Variants in PSMA1 observed in about 807,000 individuals in gnomAD.
PSMA1 encodes the protein proteasome subunit alpha type-1.
A neutral mutation model predicts 38.4 loss-of-function variants in PSMA1; 3 were observed. The ratio of observed to expected loss-of-function variants is 0.08; its 90% CI spans 0.04 to 0.20. The LOEUF is 0.20. Ranked by LOEUF, PSMA1 falls within the 10% of genes least tolerant of loss-of-function variation. PSMA1 has a pLI of 1.00. For synonymous variants in PSMA1, 101 were observed against 107.1 expected (o/e 0.94, Z 0.35); for missense variants, 227 against 325.3 (o/e 0.70, Z 2.32).
At chr11:14,567,132 A>G (rs1852081304) in intron 2 of PSMA1, among the ~76,000 whole-genome samples, 1 of 152,226 alleles carries the variant, frequency 6.6e-6, no homozygotes, top group African/African-American at 2.4e-5. Context: ...AGAGAGGCAC[A>G]GATGGCAGAG....
At chr11:14,535,702 C>T (rs1294171427) in intron 2 of PSMA1, among the ~76,000 whole-genome samples, 1 of 152,076 alleles carries the variant, frequency 6.6e-6, no homozygotes. Context: ...ACCTCGGCCT[C>T]CCAAAGTGCT....
chr11:14,521,471 G>A (rs1481437666), upstream of PSMA1, among the ~76,000 whole-genome samples: 2 of 148,614 alleles, frequency 1.3e-5, no homozygotes, highest in Admixed American at 1.4e-4. Flanking sequence ...CAGCCCGCCT[G>A]GGCAATAGAG....
chr11:14,532,889 C>A (rs1851664032), intron 2 of PSMA1, among the ~76,000 whole-genome samples: 1 of 149,628 alleles, frequency 6.7e-6, no homozygotes, highest in Non-Finnish European at 1.5e-5. Flanking sequence ...AAGACTCTGT[C>A]TCAAAAAAAA....
intron 1 of PSMA1, among the ~76,000 whole-genome samples, chr11:14,630,916 T>G (rs980831171): frequency 4.6e-5 from 7 of 152,184 alleles, no homozygotes; most frequent in African/African-American, 9.7e-5. Flanking sequence ...GTCCAGGAAT[T>G]TATCCATTTC....
At chr11:14,518,862 T>C in intron 2 of PSMA1, 135 bp downstream of exon 2, 1 of 705,136 alleles carries the variant, frequency 1.4e-6, no homozygotes, top group Non-Finnish European at 2.3e-6. Flanking sequence ...CCTATTTTAA[T>C]TATAAATGCA....
intron 2 of PSMA1, among the ~76,000 whole-genome samples, chr11:14,535,767 G>T (rs1851700114): frequency 6.6e-6 from 1 of 151,854 alleles, no homozygotes; most frequent in African/African-American, 2.4e-5. Context: ...ATTTCAGTTT[G>T]GCTTTTATTT....
intron 2 of PSMA1, among the ~76,000 whole-genome samples, chr11:14,576,276 T>G (rs563437073): frequency 2.2e-4 from 34 of 152,330 alleles, no homozygotes; most frequent in Admixed American, 9.8e-4. Context: ...AGAAGCTCTT[T>G]AGTTTAATTA....
chr11:14,565,257 T>C (rs530023095), intron 2 of PSMA1, among the ~76,000 whole-genome samples: 1 of 152,312 alleles, frequency 6.6e-6, no homozygotes, highest in South Asian at 2.1e-4. Context: ...TCATTCCTGA[T>C]ATTAGAAAGT....
chr11:14,524,216 C>G (rs907083437), upstream of PSMA1, among the ~76,000 whole-genome samples: 1 of 151,402 alleles, frequency 6.6e-6, no homozygotes, highest in South Asian at 2.1e-4. Flanking sequence ...CACCTGTAGT[C>G]CCAGCTACTC....
intron 2 of PSMA1, among the ~76,000 whole-genome samples, chr11:14,591,734 A>G (rs1175615723): frequency 1.3e-5 from 2 of 152,126 alleles, no homozygotes; most frequent in African/African-American, 4.8e-5. Context: ...TATCTAGCTC[A>G]GGGATTGTAA....
intron 1 of PSMA1, among the ~76,000 whole-genome samples, chr11:14,626,674 CTG>C (rs1852915762): frequency 6.6e-6 from 1 of 152,104 alleles, no homozygotes; most frequent in African/African-American, 2.4e-5. Flanking sequence ...TTTGGTTACC[CTG>C]TAGGCTGTTG....
intron 1 of PSMA1, among the ~76,000 whole-genome samples, chr11:14,625,660 T>C (rs1216313746): frequency 6.6e-6 from 1 of 152,190 alleles, no homozygotes; most frequent in Non-Finnish European, 1.5e-5. Flanking sequence ...GGACCTCACA[T>C]TGGCCTGGTT....
chr11:14,613,771 C>A (rs1852736830), intron 1 of PSMA1, among the ~76,000 whole-genome samples: 2 of 152,130 alleles, frequency 1.3e-5, no homozygotes, highest in Non-Finnish European at 2.9e-5. Context: ...GTGGTTGAGG[C>A]CTCTGGACAC....
intron 1 of PSMA1, 132 bp from the exon 2 acceptor site, chr11:14,519,173 AT>A: frequency 1.3e-6 from 1 of 772,258 alleles, no homozygotes; most frequent in South Asian, 1.5e-5. Context: ...TTACTGGAAG[AT>A]TACTACTGTA....
At chr11:14,584,160 C>T (rs950549590) in intron 2 of PSMA1, among the ~76,000 whole-genome samples, 14 of 152,210 alleles carry the variant, frequency 9.2e-5, no homozygotes, top group African/African-American at 2.4e-4. Context: ...AGGAAAATCA[C>T]TGTCATACCA....
chr11:14,602,869 C>T (rs543695915), intron 2 of PSMA1, among the ~76,000 whole-genome samples: 6 of 152,232 alleles, frequency 3.9e-5, no homozygotes, highest in South Asian at 4.1e-4. Context: ...ACGTGAGTTC[C>T]GCTCAGAAAG....
At chr11:14,615,354 G>A (rs1852759312) in intron 1 of PSMA1, among the ~76,000 whole-genome samples, 1 of 152,230 alleles carries the variant, frequency 6.6e-6, no homozygotes, top group Admixed American at 6.5e-5. Flanking sequence ...CTCTTTGGAT[G>A]ACAGTAACAG....
At chr11:14,521,582 G>A (rs1174680326), upstream of PSMA1, among the ~76,000 whole-genome samples, 2 of 150,782 alleles carry the variant, frequency 1.3e-5, no homozygotes, top group Admixed American at 6.6e-5. Context: ...TCAGGAGATC[G>A]GACCATCCTG....
intron 5 of PSMA1, 100 bp downstream of exon 5, chr11:14,514,303 A>G (rs1851391822): frequency 2.1e-6 from 3 of 1,412,354 alleles, no homozygotes; most frequent in Non-Finnish European, 2.8e-6. Context: ...AGTTTTCACA[A>G]TCTTACCTAT....
Sources: allele counts gnomAD v4.1 joint callset (sites outside exome capture counted in the v4.1 genomes callset), GRCh38; gene constraint gnomAD v4.1.1; transcripts MANE v1.5; gene names NCBI Gene and HGNC (gene_info 2026-07-23, HGNC 2026-07-21).